HDAC1: variants seen among roughly 807,000 people sequenced by gnomAD.
The protein encoded by HDAC1 is protein deacetylase HDAC1.
In HDAC1, 18 loss-of-function variants were observed where a neutral mutation model predicts 65.5. The observed-to-expected ratio is 0.27, with a 90% CI of 0.19 to 0.41. HDAC1 has a LOEUF of 0.41. Among genes scored for constraint, HDAC1 ranks in the 10% least tolerant of loss-of-function variants. HDAC1 has a pLI of 1.00. For missense variants in HDAC1, 373 were observed against 625.2 expected (o/e 0.60, Z 4.30); for synonymous variants, 211 against 227.9 (o/e 0.93, Z 0.67).
At chr1:32,299,711 T>G (rs557227216) in intron 1 of HDAC1, among the ~76,000 whole-genome samples, 29 of 152,160 alleles carry the variant, frequency 1.9e-4, no homozygotes, top group Non-Finnish European at 3.8e-4. Flanking sequence ...TTCTATCAGG[T>G]AGACTTATAG....
intron 2 of HDAC1, among the ~76,000 whole-genome samples, chr1:32,306,844 A>T (rs183690337): frequency 4.7e-4 from 72 of 152,310 alleles, no homozygotes; most frequent in Admixed American, 2.6e-3. Context: ...TTTCTAATAC[A>T]TACATACCTC....
chr1:32,303,125 A>T (rs557243551), intron 2 of HDAC1, among the ~76,000 whole-genome samples: 29 of 152,212 alleles, frequency 1.9e-4, no homozygotes, highest in Admixed American at 1.7e-3. Flanking sequence ...GTGAGCTATG[A>T]TTGTGCCACT....
At position 32,292,087 on chromosome 1, in the gene HDAC1, T is replaced by TC. The variant is rs888822583; in HGVS notation, c.-77dup. 1.4e-5 allele frequency: 19 copies of TC among 1,334,596 alleles called. No individual in the cohort carries two copies. The South Asian group carries it at 1.8e-4, about 12-fold the overall frequency. The allele number at this position is 1,334,596 out of a possible 1,614,324, so 82.7% of individuals were successfully genotyped here. The stretch of plus-strand genomic sequence containing the variant: ...CGGGGCGGGCCGGAGGCCCGCCCCC[T>TC]CCCCCCTGGGTCGGACGCTGAGCGG... On this transcript the variant is annotated 5_prime_UTR_variant, in exon 1 of 14. Coordinates refer to ENST00000373548, the MANE Select transcript of HDAC1 (RefSeq NM_004964.3).
chr1:32,298,088 CTTT>C (rs1162166409), intron 1 of HDAC1, among the ~76,000 whole-genome samples: 5 of 113,602 alleles, frequency 4.4e-5, no homozygotes, highest in Admixed American at 1.9e-4. Flanking sequence ...CGCGCCCGGC[CTTT>C]TTTTTTTTTT....
chr1:32,329,496 A>G lies in HDAC1; in HGVS notation c.729+336A>G, dbSNP rs374316262. ...CATTTCTTTGGGCTGCTGGGAGATTATTGTGTTCTTTTGGTAGTGGTATGT... is the reference window on the plus strand; with the variant it reads ...CATTTCTTTGGGCTGCTGGGAGATTGTTGTGTTCTTTTGGTAGTGGTATGT... On this transcript the variant is annotated intron_variant, in intron 7 of 13. Coordinates refer to ENST00000373548, the MANE Select transcript of HDAC1 (RefSeq NM_004964.3). The surrounding 1 kb of genome is among the most constrained non-coding windows in gnomAD (Gnocchi z 4.1). 27 of 393,808 alleles carry G rather than the reference A, an allele frequency of 6.9e-5. No homozygotes were observed. The highest frequency in any genetic ancestry group is 4.0e-4 in the African/African-American group (20 of 49,856). 24.4% of individuals were successfully genotyped at this position (393,808 alleles called of 1,614,324 possible). A position where few individuals can be genotyped will look rare whatever the true frequency, so the allele number is the denominator to read the frequency against.
intron 2 of HDAC1, among the ~76,000 whole-genome samples, chr1:32,303,533 T>C (rs2148058749): frequency 6.6e-6 from 1 of 152,278 alleles, no homozygotes; most frequent in Non-Finnish European, 1.5e-5. Context: ...TTGAAGCAGA[T>C]GCCAAATCTC....
intron 3 of HDAC1, among the ~76,000 whole-genome samples, chr1:32,322,174 A>G (rs181801143): frequency 4.2e-4 from 64 of 152,170 alleles, no homozygotes; most frequent in African/African-American, 1.5e-3. Context: ...GGAAATCTTG[A>G]TAACAGTGGG....
chr1:32,298,859 G>C (rs369232415), intron 1 of HDAC1, among the ~76,000 whole-genome samples: 2 of 152,082 alleles, frequency 1.3e-5, no homozygotes. Context: ...TTAGCCAGGC[G>C]TGGTGGCACA....
At position 32,333,373 on chromosome 1, in the gene HDAC1, G is replaced by C. The variant is rs1641326456; in HGVS notation, c.*329G>C. ...GTAGCTTTGGAAAGGTGCCCTTATT[G>C]AACATTCTAGAAGGGGTGGCTGGGT... On this transcript the variant is annotated 3_prime_UTR_variant, in exon 14 of 14. Transcript: ENST00000373548. 5.1e-6 allele frequency: 1 copy of C among 195,102 alleles called. No homozygotes were observed. Among genetic ancestry groups the C allele is most frequent in the African/African-American group, 2.4e-5 (1 of 42,482 alleles). The allele number at this position is 195,102 out of a possible 1,614,324, so 12.1% of individuals were successfully genotyped here.
Position 32,330,729 on chromosome 1 carries a change from T to C in HDAC1, c.839-39T>C. 6.2e-7 allele frequency: 1 copy of C among 1,614,058 alleles called. No individual in the cohort carries two copies. Among genetic ancestry groups the C allele is most frequent in the Non-Finnish European group, 8.5e-7 (1 of 1,179,914 alleles). On this transcript the variant is annotated intron_variant, in intron 8 of 13. Transcript: ENST00000373548. This position sits in a 1 kb window ranked among gnomAD's most constrained non-coding sequence, Gnocchi z 4.2. ...AAGGATGGGTGGGCGGGGTCCTGCT[T>C]GGTGCTCCTGTAACTCAGCACCCCT...
At chr1:32,308,266 C>A (rs1640938114) in intron 2 of HDAC1, among the ~76,000 whole-genome samples, 1 of 152,146 alleles carries the variant, frequency 6.6e-6, no homozygotes, top group Admixed American at 6.5e-5. Context: ...TTGCAGTGAG[C>A]CGAGATCGTG....
In HDAC1 at chr1:32,333,083, A is replaced by C. The variant is rs1284402859; in HGVS notation, c.*39A>C. 1 of 1,572,214 alleles carries C rather than the reference A, an allele frequency of 6.4e-7. No individual in the cohort carries two copies. The highest frequency in any genetic ancestry group is 1.7e-5 in the Admixed American group (1 of 59,534). On this transcript the variant is annotated 3_prime_UTR_variant, in exon 14 of 14. Coordinates refer to ENST00000373548, the MANE Select transcript of HDAC1 (RefSeq NM_004964.3). ...GCTCTGGCTTCCTGCTGAGTCCCTC[A>C]CGTTTCTTCCCCAACCCCTCAGATT...
intron 2 of HDAC1, among the ~76,000 whole-genome samples, chr1:32,303,460 A>AAAAAC (rs1023369563): frequency 6.6e-6 from 1 of 152,138 alleles, no homozygotes; most frequent in African/African-American, 2.4e-5. Context: ...CCTGTCTCAA[A>AAAAAC]AAAACAAAAC....
Position 32,332,762 on chromosome 1 carries a change from C to A in HDAC1, c.1421+13C>A, listed in dbSNP as rs995283718. ...CAGAAGCCAAAGGGTGAGGAAGGAG[C>A]TGCCTGTGGCCATCTCCCTGGCATT... is the stretch of plus-strand genomic sequence containing the variant. On this transcript the variant is annotated intron_variant, in intron 13 of 13. Transcript: ENST00000373548. 2 of 1,550,008 alleles carry A rather than the reference C, an allele frequency of 1.3e-6. No homozygotes were observed. Among genetic ancestry groups the A allele is most frequent in the Admixed American group, 3.9e-5 (2 of 51,102 alleles).
chr1:32,293,068 C>T (rs1226560517), intron 1 of HDAC1, among the ~76,000 whole-genome samples: 1 of 152,168 alleles, frequency 6.6e-6, no homozygotes, highest in African/African-American at 2.4e-5. Flanking sequence ...CGCCTGTAAT[C>T]CCAGCACTTT....
intron 3 of HDAC1, among the ~76,000 whole-genome samples, chr1:32,319,615 C>T (rs143670620): frequency 6.6e-6 from 1 of 152,126 alleles, no homozygotes; most frequent in Admixed American, 6.5e-5. Context: ...CTAACCTAGG[C>T]GCTGGACATG....
At position 32,327,761 on chromosome 1, in the gene HDAC1, G is replaced by A; in HGVS notation, c.636+84G>A. 1.6e-6 allele frequency: 2 copies of A among 1,257,996 alleles called. No homozygotes were observed. The highest frequency in any genetic ancestry group is 2.3e-6 in the Non-Finnish European group (2 of 863,652). 77.9% of individuals were successfully genotyped at this position (1,257,996 alleles called of 1,614,324 possible). On this transcript the variant is annotated intron_variant, in intron 6 of 13. Transcript: ENST00000373548. This position sits in a 1 kb window ranked among gnomAD's most constrained non-coding sequence, Gnocchi z 6.0. ...CTCCTATCTCATGCCACTAAAAATT[G>A]CTTCTTGCCTCTTCTGCCAATCAGA... is the stretch of plus-strand genomic sequence containing the variant.
chr1:32,308,629 C>T (rs1570012880), intron 2 of HDAC1, among the ~76,000 whole-genome samples: 1 of 152,198 alleles, frequency 6.6e-6, no homozygotes, highest in East Asian at 1.9e-4. Flanking sequence ...TGCCATTCTC[C>T]TGCCTCAGCC....
In HDAC1 at chr1:32,333,457, G is replaced by A. The variant is rs1043969128; in HGVS notation, c.*413G>A. 3 of 155,888 alleles carry A rather than the reference G, an allele frequency of 1.9e-5. No individual in the cohort carries two copies. Among genetic ancestry groups the A allele is most frequent in the Admixed American group, 6.4e-5 (1 of 15,630 alleles). The allele number at this position is 155,888 out of a possible 1,614,324, so 9.7% of individuals were successfully genotyped here. On this transcript the variant is annotated 3_prime_UTR_variant, in exon 14 of 14. Transcript: ENST00000373548. ...AAGTAACATCAGCCATTTTTAGATT[G>A]GTTCTGTTTTCGTACCTTCCCACTG...
Sources: allele counts gnomAD v4.1 joint callset (sites outside exome capture counted in the v4.1 genomes callset), GRCh38; gene constraint gnomAD v4.1.1; non-coding constraint Gnocchi (gnomAD v3.1); transcripts MANE v1.5; gene names NCBI Gene and HGNC (gene_info 2026-07-23, HGNC 2026-07-21).